The following ANKS3 variants were observed in gnomAD, a reference collection of about 807,000 sequenced individuals.
ANKS3 encodes ankyrin repeat and sterile alpha motif domain containing 3, also known as ankyrin repeat and SAM domain-containing protein 3.
In ANKS3, 62 loss-of-function variants were observed where a neutral mutation model predicts 80.7. The observed-to-expected ratio is 0.77, with a 90% CI of 0.63 to 0.95. The LOEUF (loss-of-function observed/expected upper bound fraction) is 0.95. Ranked by LOEUF, ANKS3 falls within the 40% of genes least tolerant of loss-of-function variation. ANKS3 has a pLI of 0.00. For missense variants in ANKS3, 1,150 were observed against 883.6 expected, an observed-to-expected ratio of 1.30 and a Z score of -3.82; for synonymous variants, 489 against 355.3, an observed-to-expected ratio of 1.38 and a Z score of -4.23.
chr16:4,699,277 C>T (rs2079769408), intron 11 of ANKS3, 101 bp from the exon 12 acceptor site: 23 of 1,466,918 alleles, frequency 1.6e-5, no homozygotes, highest in Non-Finnish European at 2.1e-5. Context: ...GGCTCAGAAC[C>T]AAGACAGTGC....
intron 7 of ANKS3, among the ~76,000 whole-genome samples, chr16:4,707,234 A>C (rs1480831968): frequency 6.6e-6 from 1 of 152,072 alleles, no homozygotes; most frequent in Non-Finnish European, 1.5e-5. Flanking sequence ...TCCTGCTATC[A>C]ACGTGGAATT....
intron 8 of ANKS3, among the ~76,000 whole-genome samples, chr16:4,702,506 G>A (rs1205178189): frequency 1.3e-5 from 2 of 152,190 alleles, no homozygotes; most frequent in South Asian, 2.1e-4. Context: ...AGGGGAAAAC[G>A]TAGCAAATGG....
intron 7 of ANKS3, among the ~76,000 whole-genome samples, chr16:4,711,293 G>C (rs181984173): frequency 6.0e-5 from 9 of 151,196 alleles, no homozygotes; most frequent in East Asian, 2.0e-4. Context: ...AGTAGAGATG[G>C]GGTTTCTCCA....
chr16:4,697,393 G>T lies in ANKS3; in HGVS notation c.1834C>A (p.Leu612Met). 6.2e-7 allele frequency: 1 copy of T among 1,609,218 alleles called. No individual in the cohort carries two copies. Among genetic ancestry groups the T allele is most frequent in the South Asian group, 1.1e-5 (1 of 90,926 alleles). ...AGCTCGGGGAGGCTCATGGCCTGCAGGGACGCTTGCCAGCCCTTGGAGTCT... is the reference window on the plus strand; with the variant it reads ...AGCTCGGGGAGGCTCATGGCCTGCATGGACGCTTGCCAGCCCTTGGAGTCT... The part of the protein sequence containing the change: ...PADSKGWQAS[L>M]QAMSLPELSG... The change falls in exon 16 of 18, where the codon CTG (leucine) becomes ATG (methionine). Residue 612 changes from leucine to methionine, a missense_variant. Leu to Met is a conservative substitution (Grantham distance 15). Coordinates refer to ENST00000304283, the MANE Select transcript of ANKS3 (RefSeq NM_133450.4).
At chr16:4,723,752 G>T (rs994135827) in intron 6 of ANKS3, among the ~76,000 whole-genome samples, 2 of 152,150 alleles carry the variant, frequency 1.3e-5, no homozygotes, top group African/African-American at 2.4e-5. Flanking sequence ...GAATAATACT[G>T]CTATGAATAT....
At chr16:4,701,919 G>A (rs1596356215) in intron 9 of ANKS3, 183 bp downstream of exon 9, 1 of 742,516 alleles carries the variant, frequency 1.3e-6, no homozygotes, top group Non-Finnish European at 2.1e-6. Context: ...AGCCGCACGG[G>A]GATGCTGGAC....
At chr16:4,707,383 G>C (rs1176323164) in intron 7 of ANKS3, among the ~76,000 whole-genome samples, 1 of 150,666 alleles carries the variant, frequency 6.6e-6, no homozygotes, top group East Asian at 2.0e-4. Context: ...CCGGGTTCAA[G>C]TGATTCTCCT....
At chr16:4,724,693 AAT>A (rs2081267544) in intron 6 of ANKS3, 55 bp downstream of exon 6, 2 of 1,487,248 alleles carry the variant, frequency 1.3e-6, no homozygotes, top group Non-Finnish European at 1.9e-6. Context: ...ATACTTCAGT[AAT>A]ATGATTCCTC....
At chr16:4,697,773 G>C (rs763734453) in intron 15 of ANKS3, among the ~76,000 whole-genome samples, 28 of 152,208 alleles carry the variant, frequency 1.8e-4, no homozygotes, top group Non-Finnish European at 3.5e-4. Context: ...TGGGGGATAG[G>C]CAGTTTTCCT....
chr16:4,711,509 G>C (rs1389632088), intron 7 of ANKS3, among the ~76,000 whole-genome samples: 1 of 151,528 alleles, frequency 6.6e-6, no homozygotes, highest in East Asian at 2.0e-4. Flanking sequence ...ACCTGAGGTC[G>C]GGAGTTTGAG....
At chr16:4,708,477 G>C (rs1445767366) in intron 7 of ANKS3, among the ~76,000 whole-genome samples, 1 of 152,108 alleles carries the variant, frequency 6.6e-6, no homozygotes, top group Admixed American at 6.6e-5. Flanking sequence ...CAATGAAAAT[G>C]AAAGAAGTTT....
chr16:4,715,156 T>A (rs572426147), intron 6 of ANKS3, among the ~76,000 whole-genome samples: 1 of 151,050 alleles, frequency 6.6e-6, no homozygotes, highest in African/African-American at 2.4e-5. Context: ...TGAAAAAGGA[T>A]CATGGCCAAG....
At chr16:4,724,130 G>C (rs994790084) in intron 6 of ANKS3, among the ~76,000 whole-genome samples, 2 of 152,198 alleles carry the variant, frequency 1.3e-5, no homozygotes, top group African/African-American at 4.8e-5. Flanking sequence ...TTAAAGCTAT[G>C]TGTAAAAGGA....
In ANKS3 at chr16:4,713,989, G is replaced by A. The variant is rs73504478; in HGVS notation, c.709+62C>T. Reference sequence around the variant, plus strand: ...AAGCGGGGGACATCTTTCTCTGCCAGGTCACCTAAAGCTCAAGGCAACCAG... The same window carrying A: ...AAGCGGGGGACATCTTTCTCTGCCAAGTCACCTAAAGCTCAAGGCAACCAG... On this transcript the variant is annotated intron_variant, in intron 7 of 17. Transcript: ENST00000304283. 3.2e-6 allele frequency: 5 copies of A among 1,581,748 alleles called. No homozygotes were observed. In the African/African-American group the frequency reaches 4.1e-5, roughly 13 times the overall value.
At chr16:4,704,292 A>C (rs1467542239) in intron 8 of ANKS3, among the ~76,000 whole-genome samples, 1 of 152,100 alleles carries the variant, frequency 6.6e-6, no homozygotes, top group African/African-American at 2.4e-5. Flanking sequence ...CCTGGCTGAA[A>C]CACTGTCTAC....
intron 8 of ANKS3, among the ~76,000 whole-genome samples, chr16:4,702,580 G>A (rs1472386324): frequency 6.6e-6 from 1 of 152,104 alleles, no homozygotes; most frequent in Non-Finnish European, 1.5e-5. Context: ...TTTAGCAGGA[G>A]GTAGCTAATG....
At chr16:4,724,438 CCTT>C (rs1236502302) in intron 6 of ANKS3, among the ~76,000 whole-genome samples, 20 of 152,262 alleles carry the variant, frequency 1.3e-4, no homozygotes, top group African/African-American at 4.6e-4. Flanking sequence ...AGGATCTCTG[CCTT>C]CTTATTCTAT....
At chr16:4,713,968 G>A (rs746588854) in intron 7 of ANKS3, 83 bp downstream of exon 7, 45 of 1,543,744 alleles carry the variant, frequency 2.9e-5, no homozygotes, top group African/African-American at 6.8e-5. Context: ...CCGGGGAAGC[G>A]GGGGACATCT....
intron 10 of ANKS3, 39 bp downstream of exon 10, chr16:4,701,395 G>T: frequency 6.5e-7 from 1 of 1,531,028 alleles, no homozygotes; most frequent in South Asian, 1.2e-5. Flanking sequence ...TCCCAGCCAG[G>T]GACCGGCTAT....
Sources: allele counts gnomAD v4.1 joint callset (sites outside exome capture counted in the v4.1 genomes callset), GRCh38; gene constraint gnomAD v4.1.1; transcripts MANE v1.5; gene names NCBI Gene and HGNC (gene_info 2026-07-23, HGNC 2026-07-21).